Variants in ZBBX observed in about 807,000 individuals in gnomAD.
The protein encoded by ZBBX is zinc finger B-box domain-containing protein 1.
In ZBBX, 101 loss-of-function variants were observed where a neutral mutation model predicts 108.5. The ratio of observed to expected loss-of-function variants is 0.93; its 90% confidence interval spans 0.79 to 1.10. The LOEUF is 1.10. Among genes scored for constraint, ZBBX ranks in the 50% least tolerant of loss-of-function variants. ZBBX has a pLI of 0.00. For missense variants in ZBBX, 1,009 were observed against 941.4 expected, an observed-to-expected ratio of 1.07 and a Z score of -0.94; for synonymous variants, 356 against 323.4, an observed-to-expected ratio of 1.10 and a Z score of -1.08.
At chr3:167,180,701 G>T in the ZBBX span, among the ~76,000 whole-genome samples, 1 of 152,204 alleles carries the variant, frequency 6.6e-6, no homozygotes, top group Non-Finnish European at 1.5e-5. Flanking sequence ...CAATGAAAAT[G>T]CTTAGCAGGC....
intron 16 of ZBBX, among the ~76,000 whole-genome samples, chr3:167,307,787 T>A (rs1284022110): frequency 6.6e-6 from 1 of 152,152 alleles, no homozygotes; most frequent in East Asian, 1.9e-4. Flanking sequence ...CTGGACCCCT[T>A]CCTTATACCA....
chr3:167,324,865 G>A (rs151236483), intron 11 of ZBBX, among the ~76,000 whole-genome samples: 12 of 152,174 alleles, frequency 7.9e-5, no homozygotes, highest in Non-Finnish European at 1.2e-4. Context: ...CACATTATCG[G>A]TTCCAAAATT....
chr3:167,204,652 T>C, the ZBBX span, among the ~76,000 whole-genome samples: 2 of 150,092 alleles, frequency 1.3e-5, no homozygotes, highest in African/African-American at 2.5e-5. Context: ...TGTTGGACAT[T>C]TGGGTTGGTT....
chr3:167,250,209 T>C (rs1722333463), intron 20 of ZBBX, among the ~76,000 whole-genome samples: 1 of 152,076 alleles, frequency 6.6e-6, no homozygotes, highest in African/African-American at 2.4e-5. Context: ...CTTGGTCTTT[T>C]ATAATAGAGA....
At chr3:167,201,439 C>A in the ZBBX span, among the ~76,000 whole-genome samples, 1 of 152,208 alleles carries the variant, frequency 6.6e-6, no homozygotes, top group East Asian at 1.9e-4. Context: ...CCTCATTGAA[C>A]AGTTAAAAAG....
chr3:167,368,602 A>G (rs1745697271), intron 4 of ZBBX, 28 bp from the exon 5 acceptor site: 2 of 1,519,686 alleles, frequency 1.3e-6, no homozygotes, highest in Non-Finnish European at 1.8e-6. Flanking sequence ...AAATGGAGAA[A>G]GCAGAAAAAC....
rs1274512449 is a variant in ZBBX at position 167,317,078 on chromosome 3, G to A, written c.1121C>T (p.Ala374Val). 1 of 1,610,218 alleles carries A rather than the reference G, an allele frequency of 6.2e-7. No homozygotes were observed. ...TAATGTTTCTACTGGCAATAAAAGAGCTGTGTGTTGTACTTTGGTCTCCTC... is the reference window on the plus strand; with the variant it reads ...TAATGTTTCTACTGGCAATAAAAGAACTGTGTGTTGTACTTTGGTCTCCTC... Reference protein sequence around the residue: ...DGEETKVQHTALLLPVETLNI... With the variant: ...DGEETKVQHTVLLLPVETLNI... The change falls in exon 14 of 22, where the codon GCT (alanine) becomes GTT (valine). Residue 374 changes from alanine to valine, a missense_variant. Coordinates refer to ENST00000675490, the MANE Select transcript of ZBBX (RefSeq NM_001199201.2).
At chr3:167,325,550 A>G (rs1356945447) in intron 11 of ZBBX, among the ~76,000 whole-genome samples, 1 of 152,170 alleles carries the variant, frequency 6.6e-6, no homozygotes, top group Non-Finnish European at 1.5e-5. Context: ...GGACACAGCC[A>G]AACCATAACA....
At chr3:167,339,986 C>T (rs537717935) in intron 9 of ZBBX, among the ~76,000 whole-genome samples, 11 of 151,884 alleles carry the variant, frequency 7.2e-5, no homozygotes, top group Non-Finnish European at 1.5e-4. Context: ...AATCATATAC[C>T]GTGTTGTGGC....
chr3:167,256,151 T>A (rs1176256360), intron 20 of ZBBX, among the ~76,000 whole-genome samples: 2 of 152,188 alleles, frequency 1.3e-5, no homozygotes, highest in Non-Finnish European at 2.9e-5. Context: ...TCCTCTTTTA[T>A]GATTGAATAA....
intron 16 of ZBBX, among the ~76,000 whole-genome samples, chr3:167,307,135 T>C (rs1733787443): frequency 6.6e-6 from 1 of 151,984 alleles, no homozygotes; most frequent in African/African-American, 2.4e-5. Flanking sequence ...TATCTCAAAA[T>C]AATAAGAACC....
At chr3:167,266,531 T>C (rs952406496) in intron 20 of ZBBX, among the ~76,000 whole-genome samples, 9 of 152,142 alleles carry the variant, frequency 5.9e-5, no homozygotes, top group Admixed American at 4.6e-4. Context: ...CCACTGTACC[T>C]CACATCCCCC....
At chr3:167,190,447 C>A in the ZBBX span, among the ~76,000 whole-genome samples, 1 of 142,500 alleles carries the variant, frequency 7.0e-6, no homozygotes, top group African/African-American at 2.6e-5. Context: ...GTGGCGCAAT[C>A]TCGGCTCACT....
At chr3:167,293,754 T>C (rs1731128955) in intron 18 of ZBBX, among the ~76,000 whole-genome samples, 1 of 152,146 alleles carries the variant, frequency 6.6e-6, no homozygotes, top group Non-Finnish European at 1.5e-5. Context: ...GGAAGTCAAA[T>C]TGTCTCTGTT....
the ZBBX span, among the ~76,000 whole-genome samples, chr3:167,218,397 T>C: frequency 3.3e-5 from 5 of 151,932 alleles, no homozygotes; most frequent in Admixed American, 6.6e-5. Context: ...AATCAACTAA[T>C]CAAAAATAAT....
intron 17 of ZBBX, among the ~76,000 whole-genome samples, chr3:167,300,312 C>G (rs2108193644): frequency 6.6e-6 from 1 of 152,156 alleles, no homozygotes; most frequent in Admixed American, 6.5e-5. Flanking sequence ...CTTTACCTAA[C>G]ACTATTTTAT....
chr3:167,262,393 C>T (rs1724706061), intron 20 of ZBBX, among the ~76,000 whole-genome samples: 1 of 152,210 alleles, frequency 6.6e-6, no homozygotes, highest in South Asian at 2.1e-4. Flanking sequence ...CCATAATCTC[C>T]CGCATTCTCT....
At chr3:167,387,377 T>C (rs1747950166) in intron 1 of ZBBX, among the ~76,000 whole-genome samples, 2 of 152,016 alleles carry the variant, frequency 1.3e-5, no homozygotes, top group South Asian at 2.1e-4. Flanking sequence ...TGCTCAATAG[T>C]TGGGGCTCAA....
At chr3:167,406,572 T>C (rs1748595335) in intron 1 of ZBBX, among the ~76,000 whole-genome samples, 1 of 152,016 alleles carries the variant, frequency 6.6e-6, no homozygotes, top group South Asian at 2.1e-4. Flanking sequence ...TACAAAAGAA[T>C]TAGCCAGTCA....
Sources: gnomAD v4.1 joint callset for allele counts (sites outside exome capture counted in the v4.1 genomes callset) on GRCh38, gnomAD v4.1.1 for gene constraint, MANE v1.5 for transcripts, NCBI Gene and HGNC (gene_info 2026-07-23, HGNC 2026-07-21) for gene names.